ITCH: variants seen among roughly 807,000 people sequenced by gnomAD.
ITCH encodes the protein E3 ubiquitin-protein ligase Itchy homolog.
A neutral mutation model predicts 126.8 loss-of-function variants in ITCH; 28 were observed. The observed-to-expected ratio is 0.22, with a 90% CI of 0.16 to 0.30. The LOEUF is 0.30. Ranked by LOEUF, ITCH falls within the 10% of genes least tolerant of loss-of-function variation. ITCH has a pLI of 1.00. For synonymous variants in ITCH, 342 were observed against 340.0 expected (o/e 1.01, Z -0.06); for missense variants, 631 against 1,032.4 (o/e 0.61, Z 5.33).
intron 16 of ITCH, among the ~76,000 whole-genome samples, 158 bp downstream of exon 16, chr20:34,471,673 G>GGTGTGT (rs10606931): frequency 0.012 from 849 of 69,360 alleles, 15 homozygotes; most frequent in South Asian, 0.021. Context: ...GGGCTTAAGG[G>GGTGTGT]GTGTGTGTGT....
At chr20:34,381,236 A>G (rs146124670) in intron 2 of ITCH, among the ~76,000 whole-genome samples, 1 of 152,038 alleles carries the variant, frequency 6.6e-6, no homozygotes, top group Non-Finnish European at 1.5e-5. Flanking sequence ...AAAACGAAAC[A>G]AAACAAAAAA....
intron 17 of ITCH, among the ~76,000 whole-genome samples, chr20:34,479,424 G>A (rs2146464626): frequency 6.6e-6 from 1 of 152,258 alleles, no homozygotes; most frequent in East Asian, 1.9e-4. Context: ...ATGTAATAAT[G>A]TATATATTAC....
In ITCH at chr20:34,408,612, A is replaced by G. The variant is rs1470365702; in HGVS notation, c.71-39A>G. The G allele has an allele frequency of 3.9e-6, 6 of 1,556,702 alleles. No individual in the cohort carries two copies. The South Asian group carries it at 6.7e-5, about 17-fold the overall frequency. ...AAATTGATTTCATGAGTGAATTAAC[A>G]TCTCAACTATTGAAATGTTTTTCAT... On this transcript the variant is annotated intron_variant, in intron 3 of 24. Coordinates refer to ENST00000374864, the MANE Select transcript of ITCH (RefSeq NM_031483.7).
chr20:34,483,680 A>G (rs1026857149), intron 20 of ITCH, among the ~76,000 whole-genome samples: 1 of 152,048 alleles, frequency 6.6e-6, no homozygotes, highest in Non-Finnish European at 1.5e-5. Context: ...ACTTTCCCAC[A>G]TTTTCCTGTC....
Position 34,381,496 on chromosome 20 carries a change from T to A in ITCH, c.-22+12026T>A, listed in dbSNP as rs570859243. Among the ~76,000 whole-genome samples the A allele has an allele frequency of 2.6e-5, 4 of 151,890 alleles. No homozygotes were observed. The East Asian group carries it at 7.8e-4, about 30-fold the overall frequency. The stretch of plus-strand genomic sequence containing the variant: ...GGCTGGAGTGCAATGGCGCGATCTC[T>A]GCTCACCGCAACCTCCGCCTCCTGG... On this transcript the variant is annotated intron_variant, in intron 2 of 24. Coordinates refer to ENST00000374864, the MANE Select transcript of ITCH (RefSeq NM_031483.7).
intron 12 of ITCH, among the ~76,000 whole-genome samples, chr20:34,453,019 T>G (rs193109103): frequency 6.6e-6 from 1 of 152,346 alleles, no homozygotes; most frequent in Admixed American, 6.5e-5. Context: ...GAAGTGTCTG[T>G]TTTTTACTGT....
intron 14 of ITCH, among the ~76,000 whole-genome samples, chr20:34,466,802 C>T (rs906920161): frequency 6.6e-6 from 1 of 152,016 alleles, no homozygotes; most frequent in Admixed American, 6.5e-5. Flanking sequence ...TAGTCTTCAG[C>T]GGGAAACTTT....
Position 34,408,726 on chromosome 20 carries a change from G to A in ITCH, c.146G>A (p.Gly49Glu), listed in dbSNP as rs749409829. The A allele has an allele frequency of 3.7e-6, 6 of 1,613,794 alleles. No individual in the cohort carries two copies. Among genetic ancestry groups the A allele is most frequent in the Non-Finnish European group, 5.1e-6 (6 of 1,179,870 alleles). ...CCTTACGTAGAGGTCACAGTAGATG[G>A]ACAGTCAAAGAAGACAGAAAAATGC... is the stretch of plus-strand genomic sequence containing the variant. The part of the protein sequence containing the change: ...PSPYVEVTVD[G>E]QSKKTEKCNN... The change falls in exon 4 of 25, where the codon GGA (glycine) becomes GAA (glutamate). Residue 49 changes from glycine (G) to glutamate (E), a missense_variant. By Grantham distance (98) the Gly-to-Glu change is moderately conservative. Transcript: ENST00000374864.
At chr20:34,409,849 A>G (rs1978729922) in intron 4 of ITCH, among the ~76,000 whole-genome samples, 1 of 152,104 alleles carries the variant, frequency 6.6e-6, no homozygotes, top group African/African-American at 2.4e-5. Context: ...GGTTAATTTT[A>G]ATTTTTAAAA....
intron 16 of ITCH, among the ~76,000 whole-genome samples, chr20:34,477,510 C>T (rs138605115): frequency 2.8e-4 from 43 of 152,018 alleles, no homozygotes; most frequent in African/African-American, 8.9e-4. Context: ...GCCTGGGCAA[C>T]GAGGGAGAGA....
intron 13 of ITCH, among the ~76,000 whole-genome samples, chr20:34,460,086 C>G (rs1427394681): frequency 6.6e-6 from 1 of 152,188 alleles, no homozygotes; most frequent in African/African-American, 2.4e-5. Context: ...GTTACTGAGC[C>G]TATCTTGCAA....
At chr20:34,445,510 C>A in intron 11 of ITCH, 49 bp downstream of exon 11, 1 of 1,563,990 alleles carries the variant, frequency 6.4e-7, no homozygotes, top group African/African-American at 1.3e-5. Context: ...TTGTTTCTAG[C>A]CCCTTCCAGC....
At chr20:34,460,486 G>A (rs1323727061) in intron 13 of ITCH, among the ~76,000 whole-genome samples, 6 of 151,854 alleles carry the variant, frequency 4.0e-5, no homozygotes, top group Non-Finnish European at 7.4e-5. Context: ...AATACTTTTG[G>A]AAGACCTAAA....
intron 16 of ITCH, among the ~76,000 whole-genome samples, chr20:34,473,592 ATT>A (rs2049874673): frequency 1.3e-5 from 2 of 152,260 alleles, no homozygotes; most frequent in South Asian, 4.1e-4. Context: ...AGAAATCAGC[ATT>A]GTTTTTCAAA....
chr20:34,456,200 ATATATATATATATATTTTTTT>A (rs1985942912), intron 12 of ITCH, among the ~76,000 whole-genome samples: 1 of 36,650 alleles, frequency 2.7e-5, no homozygotes, highest in Non-Finnish European at 4.3e-5. Flanking sequence ...ATATATATAT[ATATATATATATATATTTTTTT>A]TTTTTTTTTT....
At chr20:34,507,288 TTG>T (rs769642751) in intron 24 of ITCH, among the ~76,000 whole-genome samples, 1,217 of 80,486 alleles carry the variant, frequency 0.015, 24 homozygotes, top group Middle Eastern at 0.041. Flanking sequence ...TTTTTTTTTT[TTG>T]GTTGTTGTTG....
chr20:34,392,564 C>T lies in ITCH; in HGVS notation c.-21-1227C>T, dbSNP rs150388782. On this transcript the variant is annotated intron_variant, in intron 2 of 24. Transcript: ENST00000374864. ...ATTGTTTTATATTTAAACTTTTAAA[C>T]AGAAACCTAAATTTGCATAAAAACT... 7.2e-3 allele frequency among the ~76,000 whole-genome samples: 1,092 copies of T among 152,254 alleles called. 13 individuals are homozygous for T. Among genetic ancestry groups the T allele is most frequent in the African/African-American group, 0.025 (1,036 of 41,550 alleles).
At chr20:34,399,844 C>T (rs1445534341) in intron 3 of ITCH, among the ~76,000 whole-genome samples, 1 of 152,108 alleles carries the variant, frequency 6.6e-6, no homozygotes, top group African/African-American at 2.4e-5. Context: ...CAGCCTTAAC[C>T]TCCTGGGCTG....
At chr20:34,467,271 G>A (rs1987156654) in intron 14 of ITCH, among the ~76,000 whole-genome samples, 1 of 152,168 alleles carries the variant, frequency 6.6e-6, no homozygotes, top group Admixed American at 6.5e-5. Flanking sequence ...GCTCATGCCA[G>A]TAATCTCAGC....
Sources: allele counts gnomAD v4.1 joint callset (sites outside exome capture counted in the v4.1 genomes callset), GRCh38; gene constraint gnomAD v4.1.1; transcripts MANE v1.5; gene names NCBI Gene and HGNC (gene_info 2026-07-23, HGNC 2026-07-21).